Variants in TRPS1 observed in about 807,000 individuals in gnomAD.
TRPS1 encodes transcriptional repressor GATA binding 1, also known as zinc finger transcription factor Trps1.
TRPS1 carries 6 observed loss-of-function variants against 101.2 expected under a neutral mutation model. The observed-to-expected ratio is 0.06, with a 90% CI of 0.03 to 0.12. The LOEUF is 0.12. Ranked by LOEUF, TRPS1 falls within the 10% of genes least tolerant of loss-of-function variation. TRPS1 has a pLI of 1.00. For synonymous variants in TRPS1, 578 were observed against 589.8 expected, an observed-to-expected ratio of 0.98 and a Z score of 0.29; for missense variants, 1,363 against 1,567.0, an observed-to-expected ratio of 0.87 and a Z score of 2.20.
intron 5 of TRPS1, among the ~76,000 whole-genome samples, chr8:115,432,478 A>G (rs1175384566): frequency 1.3e-5 from 2 of 151,986 alleles, no homozygotes; most frequent in East Asian, 3.9e-4. Context: ...ATACAGACAT[A>G]TAATTTTTAT....
intron 5 of TRPS1, among the ~76,000 whole-genome samples, chr8:115,521,918 G>A (rs948574381): frequency 6.6e-5 from 10 of 151,768 alleles, no homozygotes; most frequent in Admixed American, 6.6e-4. Flanking sequence ...ATAAAATTTG[G>A]TTTAATGTCC....
chr8:115,619,315 T>C lies in TRPS1; in HGVS notation c.783A>G (p.Leu261=). ...DLIKHFRKYH[L]GLHNRTRQDA... is the part of the protein sequence containing the mutation. ...CTTGCCTGGTGCGGTTATGCAGTCC[T>C]AAGTGATACTTTCGGAAGTGCTTAA... Residue 261 remains leucine (L), a synonymous_variant, in exon 3 of 7, where the codon TTA becomes TTG. Transcript: ENST00000395715. 1 of 1,614,242 alleles carries C rather than the reference T, an allele frequency of 6.2e-7. No homozygotes were observed. Among genetic ancestry groups the C allele is most frequent in the Non-Finnish European group, 8.5e-7 (1 of 1,180,038 alleles).
chr8:115,480,621 C>T (rs1006472062), intron 5 of TRPS1, among the ~76,000 whole-genome samples: 3 of 151,964 alleles, frequency 2.0e-5, no homozygotes, highest in African/African-American at 7.2e-5. Flanking sequence ...TAATGTGTAA[C>T]CTCTCGAAAA....
chr8:115,598,569 T>C (rs1308463136), intron 4 of TRPS1, among the ~76,000 whole-genome samples: 1 of 152,164 alleles, frequency 6.6e-6, no homozygotes, highest in East Asian at 1.9e-4. Context: ...TCCCACATGC[T>C]GGGATTTCAG....
intron 5 of TRPS1, among the ~76,000 whole-genome samples, chr8:115,473,545 GTTA>G (rs1460670522): frequency 2.6e-5 from 4 of 152,226 alleles, no homozygotes; most frequent in East Asian, 3.9e-4. Context: ...TCAAAAAGCA[GTTA>G]TTATTATTTT....
chr8:115,603,157 G>A (rs970866761), intron 4 of TRPS1, among the ~76,000 whole-genome samples: 1 of 152,116 alleles, frequency 6.6e-6, no homozygotes, highest in African/African-American at 2.4e-5. Flanking sequence ...CATATCCTAT[G>A]CTTATCTCTA....
rs572699752 is a variant in TRPS1 at position 115,417,923 on chromosome 8, T to C, written c.2823+407A>G. On this transcript the variant is annotated intron_variant, in intron 6 of 6. Coordinates refer to ENST00000395715, the MANE Select transcript of TRPS1 (RefSeq NM_014112.5). ...AAGGTAAACTAGAAAACACGAATTC[T>C]TTCCCTGACTTATATTTTATACTGA... 1.1e-3 allele frequency among the ~76,000 whole-genome samples: 162 copies of C among 152,302 alleles called. 1 individual carries two copies. The highest frequency in any genetic ancestry group is 3.7e-3 in the African/African-American group (154 of 41,568).
At chr8:115,470,675 T>C (rs957114793) in intron 5 of TRPS1, among the ~76,000 whole-genome samples, 17 of 152,190 alleles carry the variant, frequency 1.1e-4, no homozygotes, top group African/African-American at 3.9e-4. Flanking sequence ...TGTAGCAGTA[T>C]ATAATATTTA....
intron 5 of TRPS1, among the ~76,000 whole-genome samples, chr8:115,474,476 G>A (rs1451832276): frequency 6.6e-6 from 1 of 152,094 alleles, no homozygotes; most frequent in Non-Finnish European, 1.5e-5. Context: ...TTCTAGCAAT[G>A]ATACTATTAT....
chr8:115,588,866 T>C (rs1035687799), intron 4 of TRPS1, among the ~76,000 whole-genome samples: 10 of 152,212 alleles, frequency 6.6e-5, no homozygotes, highest in African/African-American at 1.9e-4. Context: ...TGGGTACACA[T>C]TGGTGAATAA....
chr8:115,510,091 G>A (rs780471148), intron 5 of TRPS1, among the ~76,000 whole-genome samples: 1 of 151,804 alleles, frequency 6.6e-6, no homozygotes, highest in African/African-American at 2.4e-5. Flanking sequence ...TTCCTAAATG[G>A]AAAAATCTCC....
rs57142241 is a variant in TRPS1 at position 115,461,304 on chromosome 8, G to GATAC, written c.2701-42856_2701-42853dup. Among the ~76,000 whole-genome samples the GATAC allele has an allele frequency of 9.5e-3, 719 of 75,382 alleles. 2 individuals are homozygous for GATAC. The highest frequency in any genetic ancestry group is 0.024 in the African/African-American group (347 of 14,250). The allele number at this position is 75,382 out of a possible 152,430, so 49.5% of individuals were successfully genotyped here. ...AGATAGATAGATAGATAGATAGACAGATACATACATACATACATACATACA... is the reference window on the plus strand; with the variant it reads ...AGATAGATAGATAGATAGATAGACAGATACATACATACATACATACATACATACA... On this transcript the variant is annotated intron_variant, in intron 5 of 6. Transcript: ENST00000395715.
intron 5 of TRPS1, among the ~76,000 whole-genome samples, chr8:115,510,674 C>G (rs1212231433): frequency 2.0e-5 from 3 of 151,912 alleles, no homozygotes; most frequent in Non-Finnish European, 4.4e-5. Context: ...ATTTCACATC[C>G]TGAAAATAAG....
intron 1 of TRPS1, among the ~76,000 whole-genome samples, chr8:115,638,870 G>A (rs1485583900): frequency 6.6e-6 from 1 of 152,160 alleles, no homozygotes; most frequent in South Asian, 2.1e-4. Context: ...ATAAGATAAT[G>A]TATACTGAAA....
chr8:115,416,779 T>G (rs1454456230), intron 6 of TRPS1, among the ~76,000 whole-genome samples: 1 of 152,020 alleles, frequency 6.6e-6, no homozygotes, highest in African/African-American at 2.4e-5. Flanking sequence ...TCATTGTTAG[T>G]TTAAGAAAGA....
At chr8:115,484,513 T>A (rs942929425) in intron 5 of TRPS1, among the ~76,000 whole-genome samples, 2 of 152,200 alleles carry the variant, frequency 1.3e-5, no homozygotes, top group Non-Finnish European at 2.9e-5. Flanking sequence ...AAGTCAGTTG[T>A]CCTTTGTCCT....
intron 5 of TRPS1, among the ~76,000 whole-genome samples, chr8:115,553,598 G>A (rs1816751221): frequency 6.6e-6 from 1 of 152,042 alleles, no homozygotes; most frequent in South Asian, 2.1e-4. Flanking sequence ...AGGTAGCTTT[G>A]ATAAGTAAGT....
chr8:115,524,419 C>T (rs1463907115), intron 5 of TRPS1, among the ~76,000 whole-genome samples: 1 of 141,714 alleles, frequency 7.1e-6, no homozygotes, highest in East Asian at 2.2e-4. Flanking sequence ...ATCCCAGGTT[C>T]AAGCAATTCT....
In TRPS1 at chr8:115,639,859, T is replaced by C. The variant is rs147682755; in HGVS notation, c.-121-16101A>G. On this transcript the variant is annotated intron_variant, in intron 1 of 6. Transcript: ENST00000395715. The stretch of plus-strand genomic sequence containing the variant: ...TTAAATAAATAAATAAAAAGTCTAA[T>C]ACTGGTAGTGGAATGTCAGTCGCCT... Among the ~76,000 whole-genome samples, 133 of 152,136 alleles carry C rather than the reference T, an allele frequency of 8.7e-4. 1 individual carries two copies. In the East Asian group the frequency reaches 0.023, roughly 26 times the overall value.
Sources: gnomAD v4.1 joint callset for allele counts (sites outside exome capture counted in the v4.1 genomes callset) on GRCh38, gnomAD v4.1.1 for gene constraint, MANE v1.5 for transcripts, NCBI Gene and HGNC (gene_info 2026-07-23, HGNC 2026-07-21) for gene names.